CALD1: variants seen among roughly 807,000 people sequenced by gnomAD.
CALD1 encodes the protein caldesmon.
Under a neutral mutation model 99.9 loss-of-function variants are expected in CALD1, and 33 were observed. The observed-to-expected ratio is 0.33, with a 90% CI of 0.25 to 0.44. The LOEUF is 0.44. CALD1 is among the 20% of genes least tolerant of loss of function. The probability of loss-of-function intolerance (pLI) is 1.00; values close to 1 mark genes in which losing one functional copy is unlikely to be tolerated. For synonymous variants in CALD1, 310 were observed against 325.0 expected, an observed-to-expected ratio of 0.95 and a Z score of 0.50; for missense variants, 861 against 962.1, an observed-to-expected ratio of 0.89 and a Z score of 1.39.
At chr7:134,795,945 A>T (rs1797729399) in intron 1 of CALD1, among the ~76,000 whole-genome samples, 1 of 152,222 alleles carries the variant, frequency 6.6e-6, no homozygotes, top group African/African-American at 2.4e-5. Context: ...GTAACTGGGA[A>T]ACAAGGAGTG....
intron 1 of CALD1, among the ~76,000 whole-genome samples, chr7:134,754,552 C>T (rs1268134803): frequency 1.3e-5 from 2 of 152,194 alleles, no homozygotes; most frequent in Non-Finnish European, 2.9e-5. Flanking sequence ...CCAGAGGTAC[C>T]TCTGTTAACA....
chr7:134,774,175 A>C (rs1796899708), intron 1 of CALD1, among the ~76,000 whole-genome samples: 1 of 152,086 alleles, frequency 6.6e-6, no homozygotes, highest in Non-Finnish European at 1.5e-5. Context: ...ATCTCAAAAA[A>C]AAAAAAAGAG....
At chr7:134,794,525 C>T (rs542694916) in intron 1 of CALD1, among the ~76,000 whole-genome samples, 5 of 152,268 alleles carry the variant, frequency 3.3e-5, no homozygotes, top group African/African-American at 7.2e-5. Context: ...CTCACTCTGT[C>T]GCCCGGGCTG....
In CALD1 at chr7:134,936,048, C is replaced by T. The variant is rs979806515; in HGVS notation, c.1386+283C>T. ...GTAAATTGTCTTTTTTTCTGTGGGA[C>T]GTCATCAAAAAGGCTTGAAAAACAC... On this transcript the variant is annotated intron_variant, in intron 6 of 14. Transcript: ENST00000361675. 3.3e-5 allele frequency among the ~76,000 whole-genome samples: 5 copies of T among 151,990 alleles called. No homozygotes were observed. The East Asian group carries it at 5.8e-4, about 18-fold the overall frequency.
At chr7:134,722,460 G>A in the CALD1 span, among the ~76,000 whole-genome samples, 679 of 151,398 alleles carry the variant, frequency 4.5e-3, 4 homozygotes, top group African/African-American at 0.016. Context: ...TTCCTCTGTC[G>A]CCCAGGCTGG....
intron 3 of CALD1, among the ~76,000 whole-genome samples, chr7:134,896,679 T>G (rs944586294): frequency 2.6e-5 from 4 of 152,234 alleles, no homozygotes; most frequent in Non-Finnish European, 5.9e-5. Flanking sequence ...TGTCTGCGTT[T>G]TTCCCTCTCC....
chr7:134,878,631 T>C (rs917347367), intron 3 of CALD1, among the ~76,000 whole-genome samples: 2 of 151,908 alleles, frequency 1.3e-5, no homozygotes, highest in Non-Finnish European at 2.9e-5. Context: ...CTGCAAGAAG[T>C]ATACAGTGTG....
At chr7:134,943,537 C>T (rs918108722) in intron 7 of CALD1, among the ~76,000 whole-genome samples, 16 of 152,110 alleles carry the variant, frequency 1.1e-4, no homozygotes, top group African/African-American at 3.1e-4. Flanking sequence ...CAAGATATAG[C>T]GATGCAAATT....
chr7:134,844,458 G>A (rs1799772414), intron 2 of CALD1: 1 of 152,204 alleles, frequency 6.6e-6, no homozygotes, highest in Non-Finnish European at 1.5e-5. Flanking sequence ...CACCTAGGGA[G>A]GTGAAAGAGG....
At chr7:134,781,392 C>T (rs1797097703) in intron 1 of CALD1, among the ~76,000 whole-genome samples, 1 of 152,140 alleles carries the variant, frequency 6.6e-6, no homozygotes, top group Non-Finnish European at 1.5e-5. Flanking sequence ...TCCAGATCCC[C>T]CATCCCCCTT....
intron 2 of CALD1, among the ~76,000 whole-genome samples, chr7:134,860,548 T>G (rs1800519440): frequency 6.6e-6 from 1 of 152,240 alleles, no homozygotes; most frequent in Non-Finnish European, 1.5e-5. Context: ...CTCAGAATGG[T>G]AAAATCTAGA....
At chr7:134,755,297 G>A (rs918648588) in intron 1 of CALD1, among the ~76,000 whole-genome samples, 1 of 152,044 alleles carries the variant, frequency 6.6e-6, no homozygotes, top group Non-Finnish European at 1.5e-5. Flanking sequence ...CACCATGCCC[G>A]GCCACATATT....
intron 14 of CALD1, among the ~76,000 whole-genome samples, chr7:134,966,702 G>A (rs183684727): frequency 6.6e-6 from 1 of 151,828 alleles, no homozygotes; most frequent in Admixed American, 6.6e-5. Context: ...CTTTTAGGAT[G>A]CATATTCAGG....
intron 3 of CALD1, among the ~76,000 whole-genome samples, chr7:134,898,556 T>C (rs1802744606): frequency 6.6e-6 from 1 of 150,562 alleles, no homozygotes; most frequent in Non-Finnish European, 1.5e-5. Context: ...CTTAAATACT[T>C]TTTTTTTTGG....
At chr7:134,859,067 A>G (rs1586130841) in intron 2 of CALD1, among the ~76,000 whole-genome samples, 1 of 152,316 alleles carries the variant, frequency 6.6e-6, no homozygotes, top group South Asian at 2.1e-4. Flanking sequence ...GGTGGCTACC[A>G]TATTGGACAG....
chr7:134,724,293 T>C, the CALD1 span, among the ~76,000 whole-genome samples: 1 of 152,218 alleles, frequency 6.6e-6, no homozygotes, highest in Non-Finnish European at 1.5e-5. Context: ...AACCATCTTC[T>C]TGTTTCTTGG....
intron 3 of CALD1, among the ~76,000 whole-genome samples, chr7:134,880,320 C>G (rs961326633): frequency 2.0e-5 from 3 of 152,192 alleles, no homozygotes; most frequent in African/African-American, 7.2e-5. Context: ...CTTAGAATAA[C>G]AGCAGTCAAC....
At chr7:134,916,680 C>T (rs1057139229) in intron 3 of CALD1, among the ~76,000 whole-genome samples, 13 of 152,192 alleles carry the variant, frequency 8.5e-5, no homozygotes, top group East Asian at 3.8e-4. Context: ...TTTAATTACT[C>T]GCAGGCTTAT....
At chr7:134,878,799 AAATAAT>A (rs1277128824) in intron 3 of CALD1, among the ~76,000 whole-genome samples, 1 of 151,824 alleles carries the variant, frequency 6.6e-6, no homozygotes, top group African/African-American at 2.4e-5. Context: ...TCATCTCTAC[AAATAAT>A]AATAATAAAA....
Sources: allele counts gnomAD v4.1 joint callset (sites outside exome capture counted in the v4.1 genomes callset), GRCh38; gene constraint gnomAD v4.1.1; transcripts MANE v1.5; gene names NCBI Gene and HGNC (gene_info 2026-07-23, HGNC 2026-07-21).